ABCC8: variants seen among roughly 807,000 people sequenced by gnomAD.
The protein encoded by ABCC8 is ATP binding cassette subfamily C member 8, also known as ATP-binding cassette sub-family C member 8.
Under a neutral mutation model 188.0 loss-of-function variants are expected in ABCC8, and 137 were observed. That is an observed-to-expected ratio of 0.73 (90% CI 0.63 to 0.84). ABCC8 has a LOEUF of 0.84. Among genes scored for constraint, ABCC8 ranks in the 40% least tolerant of loss-of-function variants. The pLI is 0.00. For missense variants in ABCC8, 1,750 were observed against 2,072.7 expected, an observed-to-expected ratio of 0.84 and a Z score of 3.02; for synonymous variants, 797 against 846.5, an observed-to-expected ratio of 0.94 and a Z score of 1.01.
intron 6 of ABCC8, among the ~76,000 whole-genome samples, chr11:17,454,467 G>A (rs1956920890): frequency 6.6e-6 from 1 of 152,172 alleles, no homozygotes; most frequent in African/African-American, 2.4e-5. Flanking sequence ...GACTCTAAGA[G>A]GAAGGCCCTA....
intron 6 of ABCC8, among the ~76,000 whole-genome samples, chr11:17,453,964 G>A (rs1016966282): frequency 2.0e-5 from 3 of 152,116 alleles, no homozygotes; most frequent in African/African-American, 4.8e-5. Context: ...AGATACCAGG[G>A]ATCAACAGTG....
chr11:17,430,329 T>C (rs888005694), intron 12 of ABCC8: 31 of 278,420 alleles, frequency 1.1e-4, no homozygotes, highest in African/African-American at 5.7e-4. Context: ...ACCCAGCGCT[T>C]GGGGGAAGCT....
At position 17,398,199 on chromosome 11, in the gene ABCC8, C is replaced by G; in HGVS notation, c.3753+140G>C. ...CACAGGCTAGACACTAGGAGGACCACCAGGGCTGGGGGAAGCAGGAAGGCT... is the reference window on the plus strand; with the variant it reads ...CACAGGCTAGACACTAGGAGGACCAGCAGGGCTGGGGGAAGCAGGAAGGCT... On this transcript the variant is annotated intron_variant, in intron 30 of 38. Coordinates refer to ENST00000389817, the MANE Select transcript of ABCC8 (RefSeq NM_000352.6). 3.4e-6 allele frequency: 4 copies of G among 1,170,356 alleles called. 1 individual carries two copies. The highest frequency in any genetic ancestry group is 2.8e-5 in the South Asian group (2 of 71,900). The allele number at this position is 1,170,356 out of a possible 1,614,324, so 72.5% of individuals were successfully genotyped here.
intron 16 of ABCC8, among the ~76,000 whole-genome samples, chr11:17,421,776 C>G (rs1247846601): frequency 6.6e-6 from 1 of 152,238 alleles, no homozygotes; most frequent in Non-Finnish European, 1.5e-5. Context: ...GCTGCAGAGC[C>G]TGTGTGTGCA....
intron 3 of ABCC8, among the ~76,000 whole-genome samples, chr11:17,465,977 G>A (rs1221147539): frequency 1.3e-5 from 2 of 152,100 alleles, no homozygotes; most frequent in African/African-American, 4.8e-5. Context: ...ACTGACAGAC[G>A]AATAGATAAA....
chr11:17,410,130 G>C (rs1247679268), intron 22 of ABCC8: 1 of 175,500 alleles, frequency 5.7e-6, no homozygotes, highest in Non-Finnish European at 1.2e-5. Context: ...CATCCACCCC[G>C]GGAAGGTCAT....
intron 16 of ABCC8, among the ~76,000 whole-genome samples, chr11:17,417,228 A>G (rs1350437466): frequency 6.6e-6 from 1 of 152,228 alleles, no homozygotes; most frequent in Non-Finnish European, 1.5e-5. Context: ...CTGGCTGGGC[A>G]TCAGGAGCAT....
chr11:17,468,011 C>A (rs1848265162), intron 3 of ABCC8, among the ~76,000 whole-genome samples: 1 of 97,606 alleles, frequency 1.0e-5, no homozygotes, highest in African/African-American at 5.8e-5. Flanking sequence ...GTCAGCCAGG[C>A]CCTGGTTAAT....
chr11:17,424,681 A>T (rs1406190175), intron 16 of ABCC8, among the ~76,000 whole-genome samples: 3 of 152,224 alleles, frequency 2.0e-5, no homozygotes, highest in Admixed American at 2.0e-4. Context: ...TGAGCCCTGC[A>T]ATCCTTCTGG....
intron 10 of ABCC8, among the ~76,000 whole-genome samples, chr11:17,440,349 G>T (rs1956267815): frequency 6.6e-6 from 1 of 152,170 alleles, no homozygotes; most frequent in Non-Finnish European, 1.5e-5. Context: ...CAAGCAGGGG[G>T]TTACTCTTCA....
At chr11:17,471,434 G>C (rs1487045854) in intron 2 of ABCC8, among the ~76,000 whole-genome samples, 1 of 152,210 alleles carries the variant, frequency 6.6e-6, no homozygotes, top group African/African-American at 2.4e-5. Context: ...TGGGACTGAG[G>C]TGCAAGTGTA....
At chr11:17,416,788 G>A (rs1955096614) in intron 17 of ABCC8, 142 bp downstream of exon 17, 2 of 1,297,520 alleles carry the variant, frequency 1.5e-6, no homozygotes, top group Non-Finnish European at 2.2e-6. Flanking sequence ...GAGAATGCAG[G>A]CCTTAGCCCC....
In ABCC8 at chr11:17,402,737, C is replaced by A; in HGVS notation, c.3574G>T (p.Asp1192Tyr). The change falls in exon 29 of 39, where the codon GAT becomes TAT. Residue 1192 changes from aspartate (D) to tyrosine (Y), a missense_variant. Physicochemically the swap from Asp to Tyr is radical, Grantham distance 160 (BLOSUM62 -3). Coordinates refer to ENST00000389817, the MANE Select transcript of ABCC8 (RefSeq NM_000352.6). ...RVASRDLQQL[D>Y]DTTQLPLLSH... is the part of the protein sequence containing the mutation. ...AGAAGTGGAAGCTGGGTGGTGTCAT[C>A]CAGCTGCTGCAGGTCCCTGTGGCGG... 1 of 1,614,204 alleles carries A rather than the reference C, an allele frequency of 6.2e-7. No individual in the cohort carries two copies.
Position 17,460,526 on chromosome 11 carries a change from C to T in ABCC8, c.973G>A (p.Asp325Asn), listed in dbSNP as rs781480098. The T allele has an allele frequency of 1.3e-5, 21 of 1,614,028 alleles. No homozygotes were observed. The African/African-American group carries it at 1.9e-4, about 14-fold the overall frequency. ...AGPLCIFGIV[D>N]HLGKENDVFQ... ...ACGTCGTTCTCCTTCCCAAGGTGGT[C>T]CACGATCCCAAAGATGCACAGTGGC... is the stretch of plus-strand genomic sequence containing the variant. Residue 325 changes from aspartate (D) to asparagine (N), a missense_variant, in exon 6 of 39, where the codon GAC becomes AAC. Asp to Asn is a conservative substitution (Grantham distance 23, BLOSUM62 1). Coordinates refer to ENST00000389817, the MANE Select transcript of ABCC8 (RefSeq NM_000352.6).
Position 17,410,594 on chromosome 11 carries a change from G to A in ABCC8, c.2616C>T (p.Ile872=). The A allele has an allele frequency of 6.2e-7, 1 of 1,614,180 alleles. No individual in the cohort carries two copies. ...HLSDHLMQAG[I]LELLRDDKRT... Reference sequence around the variant, plus strand: ...TCTTGTCGTCCCGGAGCAGCTCAAGGATGCCGGCCTGCATTAAGTGGTCAC... The same window carrying A: ...TCTTGTCGTCCCGGAGCAGCTCAAGAATGCCGGCCTGCATTAAGTGGTCAC... Residue 872 remains isoleucine, a synonymous_variant, in exon 22 of 39, where the codon ATC becomes ATT. Coordinates refer to ENST00000389817, the MANE Select transcript of ABCC8 (RefSeq NM_000352.6).
intron 11 of ABCC8, 140 bp downstream of exon 11, chr11:17,432,064 T>G: frequency 8.2e-7 from 1 of 1,224,180 alleles, no homozygotes; most frequent in Admixed American, 2.2e-5. Context: ...CTCTATAAAC[T>G]TTCGATCCTA....
At chr11:17,408,367 CTT>C in intron 23 of ABCC8, 23 bp downstream of exon 23, 1 of 1,605,218 alleles carries the variant, frequency 6.2e-7, no homozygotes. Context: ...GGGGTGGCTG[CTT>C]GGCCATCCCT....
At chr11:17,459,843 A>T (rs1207198085) in intron 6 of ABCC8, among the ~76,000 whole-genome samples, 1 of 152,254 alleles carries the variant, frequency 6.6e-6, no homozygotes, top group Non-Finnish European at 1.5e-5. Flanking sequence ...AGTTTGCAGA[A>T]TCGTTACAAC....
intron 24 of ABCC8, 84 bp downstream of exon 24, chr11:17,407,270 C>A: frequency 6.2e-7 from 1 of 1,611,844 alleles, no homozygotes; most frequent in Non-Finnish European, 8.5e-7. Context: ...ACTACTGCAC[C>A]ACACCCAGAA....
Sources: allele counts gnomAD v4.1 joint callset (sites outside exome capture counted in the v4.1 genomes callset), GRCh38; gene constraint gnomAD v4.1.1; transcripts MANE v1.5; gene names NCBI Gene and HGNC (gene_info 2026-07-23, HGNC 2026-07-21).